WWOX: variants seen among roughly 807,000 people sequenced by gnomAD.
WWOX encodes WW domain-containing oxidoreductase.
A neutral mutation model predicts 46.2 loss-of-function variants in WWOX; 69 were observed. That is an observed-to-expected ratio of 1.49 (90% CI 1.23 to 1.82). The LOEUF is 1.82. Among genes scored for constraint, WWOX ranks in the 40% most tolerant of loss-of-function variants. The probability of loss-of-function intolerance (pLI) is 0.00; values close to 1 mark genes in which losing one functional copy is unlikely to be tolerated. For synonymous variants in WWOX, 359 were observed against 202.6 expected (o/e 1.77, Z -6.56); for missense variants, 919 against 542.6 (o/e 1.69, Z -6.89).
chr16:79,049,909 A>G (rs16949412), intron 8 of WWOX, among the ~76,000 whole-genome samples: 4,229 of 151,940 alleles, frequency 0.028, 213 homozygotes, highest in African/African-American at 0.097. Flanking sequence ...GCAGAAGGAC[A>G]TGGAGTGGTA....
intron 8 of WWOX, among the ~76,000 whole-genome samples, chr16:79,103,456 C>T (rs1044195896): frequency 6.6e-6 from 1 of 152,150 alleles, no homozygotes; most frequent in Admixed American, 6.5e-5. Flanking sequence ...TCACTCCTTC[C>T]TTGGATTTTG....
At chr16:78,889,199 T>C (rs2044533998) in intron 8 of WWOX, among the ~76,000 whole-genome samples, 1 of 152,178 alleles carries the variant, frequency 6.6e-6, no homozygotes, top group African/African-American at 2.4e-5. Flanking sequence ...CAAATGACAG[T>C]CATTTTCTGT....
intron 8 of WWOX, among the ~76,000 whole-genome samples, chr16:78,720,979 C>A (rs1416019906): frequency 6.6e-6 from 1 of 152,162 alleles, no homozygotes; most frequent in Non-Finnish European, 1.5e-5. Flanking sequence ...TAATCACCAC[C>A]GTGCCTGGAG....
chr16:78,334,000 T>C (rs1453312876), intron 5 of WWOX, among the ~76,000 whole-genome samples: 1 of 152,204 alleles, frequency 6.6e-6, no homozygotes, highest in Non-Finnish European at 1.5e-5. Context: ...CTGAGTTCCT[T>C]TTGTGAAGTC....
intron 8 of WWOX, among the ~76,000 whole-genome samples, chr16:78,730,196 C>T (rs1597505594): frequency 6.6e-6 from 1 of 152,104 alleles, no homozygotes. Flanking sequence ...GCTCTGGTTA[C>T]ATATGGTCAA....
intron 8 of WWOX, among the ~76,000 whole-genome samples, chr16:78,673,961 A>C (rs1363582679): frequency 6.6e-6 from 1 of 152,178 alleles, no homozygotes; most frequent in Non-Finnish European, 1.5e-5. Context: ...ATAAAATCAG[A>C]AACATGGAAA....
chr16:79,165,200 G>A (rs1185324640), intron 8 of WWOX, among the ~76,000 whole-genome samples: 1 of 151,282 alleles, frequency 6.6e-6, no homozygotes, highest in Non-Finnish European at 1.5e-5. Flanking sequence ...AACTTTTGTA[G>A]AAGTAGTTAC....
intron 4 of WWOX, among the ~76,000 whole-genome samples, chr16:78,144,466 C>T (rs947815524): frequency 0.13 from 1,690 of 13,510 alleles, 230 homozygotes; most frequent in East Asian, 0.23. Context: ...TATATATACA[C>T]ACATATATAT....
chr16:78,749,437 AC>A (rs1196879304), intron 8 of WWOX, among the ~76,000 whole-genome samples: 1 of 152,202 alleles, frequency 6.6e-6, no homozygotes, highest in Admixed American at 6.5e-5. Context: ...AAAGAGAGAG[AC>A]CCAAAATAGT....
chr16:78,643,567 C>T (rs543051375), intron 8 of WWOX, among the ~76,000 whole-genome samples: 8 of 152,248 alleles, frequency 5.3e-5, no homozygotes, highest in African/African-American at 1.9e-4. Flanking sequence ...CCAGAGCCTT[C>T]CAGCCCCCTG....
chr16:78,805,519 G>A (rs1226226436), intron 8 of WWOX, among the ~76,000 whole-genome samples: 1 of 151,928 alleles, frequency 6.6e-6, no homozygotes, highest in African/African-American at 2.4e-5. Flanking sequence ...TCCTGACATC[G>A]TGATCCGCCC....
At chr16:78,959,192 G>A (rs1340874382) in intron 8 of WWOX, among the ~76,000 whole-genome samples, 1 of 152,128 alleles carries the variant, frequency 6.6e-6, no homozygotes, top group African/African-American at 2.4e-5. Context: ...TCTACGTCAA[G>A]GTTCTCGTTC....
chr16:78,997,122 T>C (rs903708338), intron 8 of WWOX, among the ~76,000 whole-genome samples: 1 of 151,544 alleles, frequency 6.6e-6, no homozygotes, highest in African/African-American at 2.4e-5. Context: ...TGTAGACATA[T>C]GTTCGAGTGG....
intron 6 of WWOX, among the ~76,000 whole-genome samples, chr16:78,404,017 A>C (rs1180899881): frequency 6.6e-6 from 1 of 152,174 alleles, no homozygotes; most frequent in Admixed American, 6.6e-5. Flanking sequence ...CAGAAGAGCA[A>C]CTCCACCTAG....
At chr16:78,713,194 C>A (rs569007895) in intron 8 of WWOX, among the ~76,000 whole-genome samples, 1 of 146,622 alleles carries the variant, frequency 6.8e-6, no homozygotes, top group Non-Finnish European at 1.5e-5. Context: ...ATTGCCTGAG[C>A]CTGGTAGAGG....
In WWOX at chr16:78,561,523, C is replaced by T. The variant is rs139590692; in HGVS notation, c.1056+128771C>T. Among the ~76,000 whole-genome samples the T allele has an allele frequency of 7.0e-4, 107 of 151,960 alleles. 1 individual carries two copies. The highest frequency in any genetic ancestry group is 2.2e-3 in the African/African-American group (92 of 41,428). Reference sequence around the variant, plus strand: ...GACTCAGTAACTGGAAGAATGCATGCGTACACCATGGACCGGGAATCCGGG... The same window carrying T: ...GACTCAGTAACTGGAAGAATGCATGTGTACACCATGGACCGGGAATCCGGG... On this transcript the variant is annotated intron_variant, in intron 8 of 8. Transcript: ENST00000566780.
chr16:78,173,168 A>G (rs936176854), intron 5 of WWOX, among the ~76,000 whole-genome samples: 3 of 152,232 alleles, frequency 2.0e-5, no homozygotes, highest in Admixed American at 2.0e-4. Context: ...ATTTTTACAT[A>G]TGCAGACGCA....
intron 8 of WWOX, among the ~76,000 whole-genome samples, chr16:78,901,510 C>G (rs1375804981): frequency 1.3e-5 from 2 of 152,170 alleles, no homozygotes; most frequent in East Asian, 1.9e-4. Context: ...TCCTGTGAGA[C>G]AGGATCTCCC....
At chr16:79,161,087 G>C (rs886607106) in intron 8 of WWOX, among the ~76,000 whole-genome samples, 1 of 152,136 alleles carries the variant, frequency 6.6e-6, no homozygotes, top group African/African-American at 2.4e-5. Context: ...AACACCTCTA[G>C]GTATTGTTTA....
Sources: allele counts gnomAD v4.1 joint callset (sites outside exome capture counted in the v4.1 genomes callset), GRCh38; gene constraint gnomAD v4.1.1; transcripts MANE v1.5; gene names NCBI Gene and HGNC (gene_info 2026-07-23, HGNC 2026-07-21).